The following KIF2B variants were observed in gnomAD, a reference collection of about 807,000 sequenced individuals.
KIF2B encodes the protein kinesin family member 2B, also known as kinesin-like protein KIF2B.
A neutral mutation model predicts 6.8 loss-of-function variants in KIF2B; 5 were observed. The ratio of observed to expected loss-of-function variants is 0.74; its 90% confidence interval spans 0.39 to 1.55. The LOEUF (loss-of-function observed/expected upper bound fraction) is 1.55, where lower values mean the gene tolerates loss of function less well. Among genes scored for constraint, KIF2B ranks in the 40% most tolerant of loss-of-function variants. The pLI is 0.03. For missense variants in KIF2B, 908 were observed against 831.3 expected (o/e 1.09, Z -1.13); for synonymous variants, 370 against 330.7 (o/e 1.12, Z -1.29).
In KIF2B at chr17:53,823,773, A is replaced by G. The variant is rs1352695808; in HGVS notation, c.740A>G (p.His247Arg). ...CCCTCGGACAATGTGGTTATGGTGC[A>G]TGAGTCCAAGCAAAAGGTGGACCTC... ...TVPSDNVVMV[H>R]ESKQKVDLTR... The change falls in exon 1 of 1, where the codon CAT becomes CGT. Residue 247 changes from histidine to arginine, a missense_variant. Transcript: ENST00000268919. 1.2e-6 allele frequency: 2 copies of G among 1,614,190 alleles called. No individual in the cohort carries two copies. The highest frequency in any genetic ancestry group is 3.3e-4 in the Middle Eastern group (2 of 6,062).
rs2143780767 is a variant in KIF2B, at chr17:53,823,628, G to T, written c.595G>T (p.Asp199Tyr). 1 of 1,613,562 alleles carries T rather than the reference G, an allele frequency of 6.2e-7. No individual in the cohort carries two copies. The highest frequency in any genetic ancestry group is 8.5e-7 in the Non-Finnish European group (1 of 1,180,044). Residue 199 changes from aspartate to tyrosine, a missense_variant, in exon 1 of 1, where the codon GAC becomes TAC. By Grantham distance (160) the Asp-to-Tyr change is radical. Transcript: ENST00000268919. ...HMIEEYRRHL[D>Y]SSKISVLEPP... ...GATCGAAGAGTATCGCAGGCACCTG[G>T]ACAGCAGCAAGATCTCAGTCCTGGA...
At position 53,824,748 on chromosome 17, in the gene KIF2B, C is replaced by A. The variant is rs202009533; in HGVS notation, c.1715C>A (p.Ser572Ter). Reference sequence around the variant, plus strand: ...ATGTTAAAAAGTCACATCGGAAATTCAGAAATGTCCCTTCAGAGGGATGAA... The same window carrying A: ...ATGTTAAAAAGTCACATCGGAAATTAAGAAATGTCCCTTCAGAGGGATGAA... ...PRMLKSHIGN[S>*]EMSLQRDEFI... The change falls in exon 1 of 1, where the codon TCA becomes TAA. Residue 572 changes from serine (S) to a stop codon, truncating the protein, a stop_gained. Transcript: ENST00000268919. LOFTEE classifies it low-confidence loss of function (END_TRUNC). The A allele has an allele frequency of 1.6e-5, 26 of 1,614,136 alleles. No homozygotes were observed. The Admixed American group carries it at 2.0e-4, about 12-fold the overall frequency.
In KIF2B at chr17:53,823,480, C is replaced by A. The variant is rs756381531; in HGVS notation, c.447C>A (p.Cys149Ter). ...TGATGAAGCAGAAAAAGTCTCCCTGCCTCTGGGAAATCCAGAAACTGCAGG... is the reference window on the plus strand; with the variant it reads ...TGATGAAGCAGAAAAAGTCTCCCTGACTCTGGGAAATCCAGAAACTGCAGG... ...PCLMKQKKSP[C>*]LWEIQKLQEQ... Residue 149 changes from cysteine to a stop codon, truncating the protein, a stop_gained, in exon 1 of 1, where the codon TGC (cysteine) becomes TGA (stop). Transcript: ENST00000268919. LOFTEE classifies it high-confidence loss of function. The A allele has an allele frequency of 6.2e-7, 1 of 1,614,144 alleles. No individual in the cohort carries two copies.
Position 53,824,407 on chromosome 17 carries a change from C to G in KIF2B, c.1374C>G (p.Thr458=), listed in dbSNP as rs1033918921. 1 of 1,614,102 alleles carries G rather than the reference C, an allele frequency of 6.2e-7. No individual in the cohort carries two copies. Among genetic ancestry groups the G allele is most frequent in the Non-Finnish European group, 8.5e-7 (1 of 1,180,020 alleles). Residue 458 remains threonine, a synonymous_variant, in exon 1 of 1, where the codon ACC becomes ACG. Coordinates refer to ENST00000268919, the MANE Select transcript of KIF2B (RefSeq NM_032559.5). Reference sequence around the variant, plus strand: ...GGAATGAAAGAGGAGCAGATACAACCAAGGCCAGCCGGAAAAGGCAGCTGG... The same window carrying G: ...GGAATGAAAGAGGAGCAGATACAACGAAGGCCAGCCGGAAAAGGCAGCTGG... ...LAGNERGADT[T]KASRKRQLEG...
rs766858144 is a variant in KIF2B, at chr17:53,824,522, A to G, written c.1489A>G (p.Ser497Gly). 1.1e-5 allele frequency: 18 copies of G among 1,614,150 alleles called. No homozygotes were observed. In the South Asian group the frequency reaches 1.9e-4, roughly 17 times the overall value. ...QNKPHTPFRA[S>G]KLTLVLRDSF... ...CAAGCCTCACACCCCATTCAGAGCCAGCAAACTCACACTGGTGCTCCGGGA... is the reference window on the plus strand; with the variant it reads ...CAAGCCTCACACCCCATTCAGAGCCGGCAAACTCACACTGGTGCTCCGGGA... Residue 497 changes from serine to glycine, a missense_variant, in exon 1 of 1, where the codon AGC becomes GGC. Coordinates refer to ENST00000268919, the MANE Select transcript of KIF2B (RefSeq NM_032559.5).
Position 53,823,327 on chromosome 17 carries a change from G to A in KIF2B, c.294G>A (p.Leu98=), listed in dbSNP as rs1340512352. ...TGCCGCCCCCGCCCTTATCCCCCTT[G>A]GCTCTGGCGCCCTCTTCGGCCATCA... The part of the protein sequence containing the change: ...HPMPPPPLSP[L]ALAPSSAIRD... Residue 98 remains leucine (L), a synonymous_variant, in exon 1 of 1, where the codon TTG becomes TTA. Coordinates refer to ENST00000268919, the MANE Select transcript of KIF2B (RefSeq NM_032559.5). 6.2e-7 allele frequency: 1 copy of A among 1,614,100 alleles called. No homozygotes were observed. The highest frequency in any genetic ancestry group is 8.5e-7 in the Non-Finnish European group (1 of 1,180,020).
rs759125009 is a variant in KIF2B at position 53,824,843 on chromosome 17, C to T, written c.1810C>T (p.Leu604=). The change falls in exon 1 of 1, where the codon CTG becomes TTG. Residue 604 remains leucine, a synonymous_variant. Coordinates refer to ENST00000268919, the MANE Select transcript of KIF2B (RefSeq NM_032559.5). ...TGAAGAGGTTGAAACATTACCCACT[C>T]TGTTAGGGAAGGATACCACAATTTC... ...EIEEVETLPT[L]LGKDTTISGK... is the part of the protein sequence containing the mutation. 3.0e-5 allele frequency: 49 copies of T among 1,613,766 alleles called. No individual in the cohort carries two copies. The highest frequency in any genetic ancestry group is 4.0e-5 in the Non-Finnish European group (47 of 1,179,910).
In KIF2B at chr17:53,823,968, C is replaced by A. The variant is rs1341676428; in HGVS notation, c.935C>A (p.Thr312Asn). ...YGQTGSGKTY[T>N]MGGDFSGTAQ... ...CAGACGGGAAGTGGGAAGACGTACA[C>A]CATGGGTGGAGACTTTTCAGGAACG... is the stretch of plus-strand genomic sequence containing the variant. Residue 312 changes from threonine to asparagine, a missense_variant, in exon 1 of 1, where the codon ACC (threonine) becomes AAC (asparagine). Physicochemically the swap from Thr to Asn is moderately conservative, Grantham distance 65. Transcript: ENST00000268919. 6 of 1,614,208 alleles carry A rather than the reference C, an allele frequency of 3.7e-6. No homozygotes were observed. Among genetic ancestry groups the A allele is most frequent in the Non-Finnish European group, 5.1e-6 (6 of 1,180,044 alleles).
At position 53,823,238 on chromosome 17, in the gene KIF2B, A is replaced by G. The variant is rs2143778365; in HGVS notation, c.205A>G (p.Lys69Glu). ...EWVEKAVKKGKKIDLETILLL... is the reference protein window; with the variant it reads ...EWVEKAVKKGEKIDLETILLL... ...GGTGGAGAAAGCAGTCAAAAAAGGC[A>G]AGAAGATTGACCTGGAGACCATACT... is the stretch of plus-strand genomic sequence containing the variant. The change falls in exon 1 of 1, where the codon AAG becomes GAG. Residue 69 changes from lysine (K) to glutamate (E), a missense_variant. Lys to Glu is a moderately conservative substitution (Grantham distance 56). Coordinates refer to ENST00000268919, the MANE Select transcript of KIF2B (RefSeq NM_032559.5). 4 of 1,614,016 alleles carry G rather than the reference A, an allele frequency of 2.5e-6. No homozygotes were observed. The highest frequency in any genetic ancestry group is 3.4e-6 in the Non-Finnish European group (4 of 1,179,880).
Position 53,825,001 on chromosome 17 carries a change from A to G in KIF2B, c.1968A>G (p.Gln656=), listed in dbSNP as rs930367542. The change falls in exon 1 of 1, where the codon CAA becomes CAG. Residue 656 remains glutamine, a synonymous_variant. Coordinates refer to ENST00000268919, the MANE Select transcript of KIF2B (RefSeq NM_032559.5). ...AAATTGATGCTCTGACCGAGATCCA[A>G]AAGAAACTGAAATTATTACTAGCTG... The part of the protein sequence containing the change: ...EQKIDALTEI[Q]KKLKLLLADL... 6.2e-7 allele frequency: 1 copy of G among 1,613,704 alleles called. No individual in the cohort carries two copies. Among genetic ancestry groups the G allele is most frequent in the African/African-American group, 1.3e-5 (1 of 74,890 alleles).
rs1433473536 is a variant in KIF2B, at chr17:53,823,178, A to G, written c.145A>G (p.Ile49Val). ...KRIHLAVVTE[I>V]NRENYWVTVE... is the part of the protein sequence containing the mutation. ...GATCCACCTCGCTGTGGTCACGGAG[A>G]TCAACAGAGAAAACTATTGGGTCAC... The change falls in exon 1 of 1, where the codon ATC (isoleucine) becomes GTC (valine). Residue 49 changes from isoleucine to valine, a missense_variant. Physicochemically the swap from Ile to Val is conservative, Grantham distance 29 (BLOSUM62 3). Transcript: ENST00000268919. The G allele has an allele frequency of 6.2e-7, 1 of 1,614,208 alleles. No individual in the cohort carries two copies. Among genetic ancestry groups the G allele is most frequent in the Non-Finnish European group, 8.5e-7 (1 of 1,180,034 alleles).
chr17:53,823,648 C>G lies in KIF2B; in HGVS notation c.615C>G (p.Val205=), dbSNP rs2143780857. The G allele has an allele frequency of 6.2e-7, 1 of 1,613,926 alleles. No individual in the cohort carries two copies. Among genetic ancestry groups the G allele is most frequent in the Non-Finnish European group, 8.5e-7 (1 of 1,180,040 alleles). The change falls in exon 1 of 1, where the codon GTC becomes GTG. Residue 205 remains valine, a synonymous_variant. Coordinates refer to ENST00000268919, the MANE Select transcript of KIF2B (RefSeq NM_032559.5). ...ACCTGGACAGCAGCAAGATCTCAGT[C>G]CTGGAGCCCCCGCAAGAACATCGCA... The part of the protein sequence containing the change: ...RRHLDSSKIS[V]LEPPQEHRIC...
rs1906474468 is a variant in KIF2B at position 53,823,733 on chromosome 17, G to A, written c.700G>A (p.Asp234Asn). ...GCGAGAGACAACCTTAAAGGACCTG[G>A]ATATCATCACCGTCCCCTCGGACAA... ...NQRETTLKDLDIITVPSDNVV... is the reference protein window; with the variant it reads ...NQRETTLKDLNIITVPSDNVV... The change falls in exon 1 of 1, where the codon GAT becomes AAT. Residue 234 changes from aspartate (D) to asparagine (N), a missense_variant. Physicochemically the swap from Asp to Asn is conservative, Grantham distance 23 (BLOSUM62 1). Transcript: ENST00000268919. 3.1e-6 allele frequency: 5 copies of A among 1,614,082 alleles called. No individual in the cohort carries two copies. In the South Asian group the frequency reaches 5.5e-5, roughly 18 times the overall value.
rs2143786898 is a variant in KIF2B at position 53,824,763 on chromosome 17, A to G, written c.1730A>G (p.Gln577Arg). 6.2e-7 allele frequency: 1 copy of G among 1,614,206 alleles called. No homozygotes were observed. Among genetic ancestry groups the G allele is most frequent in the East Asian group, 2.2e-5 (1 of 44,880 alleles). Reference sequence around the variant, plus strand: ...ATCGGAAATTCAGAAATGTCCCTTCAGAGGGATGAATTTATTAAAATACCT... The same window carrying G: ...ATCGGAAATTCAGAAATGTCCCTTCGGAGGGATGAATTTATTAAAATACCT... ...SHIGNSEMSLQRDEFIKIPYV... is the reference protein window; with the variant it reads ...SHIGNSEMSLRRDEFIKIPYV... Residue 577 changes from glutamine to arginine, a missense_variant, in exon 1 of 1, where the codon CAG (glutamine) becomes CGG (arginine). By Grantham distance (43) the Gln-to-Arg change is conservative. Coordinates refer to ENST00000268919, the MANE Select transcript of KIF2B (RefSeq NM_032559.5).
rs1906438618 is a variant in KIF2B, at chr17:53,822,992, C to T, written c.-42C>T. 3 of 1,565,254 alleles carry T rather than the reference C, an allele frequency of 1.9e-6. No homozygotes were observed. The highest frequency in any genetic ancestry group is 2.3e-5 in the East Asian group (1 of 44,106). ...TGGCTTGGGTCCTGCTGCTCCAACC[C>T]CAAGGGCCCTGGAGCGCTCCCTGAT... On this transcript the variant is annotated 5_prime_UTR_variant, in exon 1 of 1. Transcript: ENST00000268919.
Position 53,823,993 on chromosome 17 carries a change from G to A in KIF2B, c.960G>A (p.Thr320=), listed in dbSNP as rs1334454186. 3 of 1,614,226 alleles carry A rather than the reference G, an allele frequency of 1.9e-6. No homozygotes were observed. The highest frequency in any genetic ancestry group is 1.7e-6 in the Non-Finnish European group (2 of 1,180,054). The change falls in exon 1 of 1, where the codon ACG becomes ACA. Residue 320 remains threonine (T), a synonymous_variant. Coordinates refer to ENST00000268919, the MANE Select transcript of KIF2B (RefSeq NM_032559.5). ...CCATGGGTGGAGACTTTTCAGGAAC[G>A]GCCCAAGATTGTTCTAAGGGCATTT... ...TYTMGGDFSG[T]AQDCSKGIYA... is the part of the protein sequence containing the mutation.
At position 53,824,164 on chromosome 17, in the gene KIF2B, T is replaced by C. The variant is rs2143783891; in HGVS notation, c.1131T>C (p.Leu377=). ...LLNWKKKLQV[L]EDGNQQIQVV... is the part of the protein sequence containing the mutation. ...ACTGGAAGAAGAAGCTGCAAGTCCT[T>C]GAGGATGGCAATCAGCAAATCCAAG... The change falls in exon 1 of 1, where the codon CTT becomes CTC. Residue 377 remains leucine (L), a synonymous_variant. Coordinates refer to ENST00000268919, the MANE Select transcript of KIF2B (RefSeq NM_032559.5). 2.5e-6 allele frequency: 4 copies of C among 1,614,158 alleles called. No individual in the cohort carries two copies. Among genetic ancestry groups the C allele is most frequent in the Non-Finnish European group, 3.4e-6 (4 of 1,180,026 alleles).
At position 53,824,885 on chromosome 17, in the gene KIF2B, C is replaced by T. The variant is rs1214258085; in HGVS notation, c.1852C>T (p.Gln618Ter). The change falls in exon 1 of 1, where the codon CAA (glutamine) becomes TAA (stop). Residue 618 changes from glutamine to a stop codon, truncating the protein, a stop_gained. Coordinates refer to ENST00000268919, the MANE Select transcript of KIF2B (RefSeq NM_032559.5). LOFTEE classifies it low-confidence loss of function (END_TRUNC). ...DTTISGKGSS[Q>*]WLENIQERAG... Reference sequence around the variant, plus strand: ...CACAATTTCAGGGAAGGGATCTAGCCAATGGCTGGAAAACATCCAGGAGAG... The same window carrying T: ...CACAATTTCAGGGAAGGGATCTAGCTAATGGCTGGAAAACATCCAGGAGAG... 6.2e-7 allele frequency: 1 copy of T among 1,614,016 alleles called. No homozygotes were observed. Among genetic ancestry groups the T allele is most frequent in the Non-Finnish European group, 8.5e-7 (1 of 1,179,960 alleles).
In KIF2B at chr17:53,823,186, A is replaced by C; in HGVS notation, c.153A>C (p.Arg51Ser). ...IHLAVVTEIN[R>S]ENYWVTVEWV... ...TCGCTGTGGTCACGGAGATCAACAG[A>C]GAAAACTATTGGGTCACGGTAGAGT... Residue 51 changes from arginine (R) to serine (S), a missense_variant, in exon 1 of 1, where the codon AGA (arginine) becomes AGC (serine). By Grantham distance (110) the Arg-to-Ser change is moderately radical. Coordinates refer to ENST00000268919, the MANE Select transcript of KIF2B (RefSeq NM_032559.5). The C allele has an allele frequency of 6.2e-7, 1 of 1,614,200 alleles. No homozygotes were observed. The highest frequency in any genetic ancestry group is 8.5e-7 in the Non-Finnish European group (1 of 1,180,028).
Sources: allele counts gnomAD v4.1 joint callset, GRCh38; gene constraint gnomAD v4.1.1; transcripts MANE v1.5; gene names NCBI Gene and HGNC (gene_info 2026-07-23, HGNC 2026-07-21).